Variants in TASOR observed in about 807,000 individuals in gnomAD.
TASOR encodes protein TASOR.
A neutral mutation model predicts 178.6 loss-of-function variants in TASOR; 53 were observed. That is an observed-to-expected ratio of 0.30 (90% CI 0.24 to 0.37). The LOEUF (loss-of-function observed/expected upper bound fraction) is 0.37, where lower values mean the gene tolerates loss of function less well. Ranked by LOEUF, TASOR falls within the 10% of genes least tolerant of loss-of-function variation. TASOR has a pLI of 1.00. For missense variants in TASOR, 1,815 were observed against 1,971.4 expected, an observed-to-expected ratio of 0.92 and a Z score of 1.50; for synonymous variants, 713 against 696.2, an observed-to-expected ratio of 1.02 and a Z score of -0.38.
intron 11 of TASOR, among the ~76,000 whole-genome samples, chr3:56,652,807 CAATA>C (rs980193387): frequency 3.3e-5 from 5 of 151,926 alleles, no homozygotes; most frequent in Non-Finnish European, 4.4e-5. Flanking sequence ...ATTAAAAACA[CAATA>C]AATAAATAAA....
chr3:56,623,856 G>A (rs561775495), intron 23 of TASOR: 8 of 1,543,864 alleles, frequency 5.2e-6, no homozygotes, highest in East Asian at 4.9e-5. Flanking sequence ...AAAGTTATAC[G>A]GTAATTCAGT....
intron 6 of TASOR, among the ~76,000 whole-genome samples, chr3:56,667,567 G>C (rs1366407209): frequency 6.6e-6 from 1 of 152,160 alleles, no homozygotes; most frequent in Non-Finnish European, 1.5e-5. Flanking sequence ...TGAGGCAGGA[G>C]AATCATTTGA....
intron 1 of TASOR, among the ~76,000 whole-genome samples, chr3:56,679,025 A>C (rs866685009): frequency 1.3e-5 from 2 of 148,790 alleles, no homozygotes; most frequent in African/African-American, 5.0e-5. Context: ...AAAAAAAAAA[A>C]AGACATACAA....
At chr3:56,659,937 C>T (rs1382963575) in intron 11 of TASOR, among the ~76,000 whole-genome samples, 3 of 151,712 alleles carry the variant, frequency 2.0e-5, no homozygotes, top group East Asian at 2.0e-4. Context: ...CGCAATGGTA[C>T]GATCTTGGCT....
chr3:56,622,997 C>CG lies in TASOR; in HGVS notation c.*39_*40insC. ...GAATGAAATATAAATTGTTAATAAA[C>CG]AAAGTCCACAACAATCTCTTAAAAA... On this transcript the variant is annotated 3_prime_UTR_variant, in exon 24 of 24. Coordinates refer to ENST00000683822, the MANE Select transcript of TASOR (RefSeq NM_001365635.2). 1 of 1,279,588 alleles carries CG rather than the reference C, an allele frequency of 7.8e-7. No individual in the cohort carries two copies. Among genetic ancestry groups the CG allele is most frequent in the South Asian group, 1.9e-5 (1 of 53,390 alleles). 79.3% of individuals were successfully genotyped at this position (1,279,588 alleles called of 1,614,324 possible). A position where few individuals can be genotyped will look rare whatever the true frequency, so the allele number is the denominator to read the frequency against.
At chr3:56,676,906 G>A (rs1027518777) in intron 1 of TASOR, among the ~76,000 whole-genome samples, 11 of 152,080 alleles carry the variant, frequency 7.2e-5, no homozygotes, top group Non-Finnish European at 1.6e-4. Context: ...AAAGGAAAAA[G>A]CATTTTAGCT....
intron 21 of TASOR, among the ~76,000 whole-genome samples, chr3:56,626,752 AAAG>A (rs1439840315): frequency 2.0e-5 from 3 of 152,208 alleles, no homozygotes; most frequent in Admixed American, 1.3e-4. Context: ...TCAAAAAAAA[AAAG>A]AAAAAAATGC....
intron 15 of TASOR, among the ~76,000 whole-genome samples, chr3:56,640,466 A>T (rs2077098264): frequency 6.6e-6 from 1 of 152,174 alleles, no homozygotes; most frequent in South Asian, 2.1e-4. Context: ...AGTTATAAAA[A>T]TGGGTAGTGT....
intron 14 of TASOR, among the ~76,000 whole-genome samples, chr3:56,645,836 T>C (rs1386065773): frequency 1.3e-5 from 2 of 152,354 alleles, no homozygotes; most frequent in African/African-American, 2.4e-5. Flanking sequence ...TCTGATATTA[T>C]ACTTCTTCAA....
At chr3:56,631,733 G>A (rs1312494191) in intron 18 of TASOR, among the ~76,000 whole-genome samples, 4 of 151,886 alleles carry the variant, frequency 2.6e-5, no homozygotes, top group African/African-American at 7.3e-5. Context: ...ACAGGCGCCT[G>A]CCCCCATGCC....
chr3:56,638,463 T>C lies in TASOR; in HGVS notation c.2824+243A>G, dbSNP rs572547843. ...GGTCTTCCCAAATCATATTGTAAGA[T>C]AGACTCTACTATGGGTGAAGAAAAT... On this transcript the variant is annotated intron_variant, in intron 17 of 23. Coordinates refer to ENST00000683822, the MANE Select transcript of TASOR (RefSeq NM_001365635.2). 1.2e-3 allele frequency among the ~76,000 whole-genome samples: 186 copies of C among 152,328 alleles called. 1 individual carries two copies. The highest frequency in any genetic ancestry group is 6.0e-3 in the South Asian group (29 of 4,828).
intron 14 of TASOR, among the ~76,000 whole-genome samples, chr3:56,645,756 G>T (rs1184825757): frequency 6.6e-6 from 1 of 152,162 alleles, no homozygotes. Flanking sequence ...AAGAGTATGT[G>T]TATGCATATT....
At chr3:56,663,987 A>C (rs2077654944) in intron 7 of TASOR, 3 of 449,058 alleles carry the variant, frequency 6.7e-6, no homozygotes, top group Non-Finnish European at 8.8e-6. Context: ...TATAGAGATA[A>C]ACAGAACAAA....
intron 17 of TASOR, among the ~76,000 whole-genome samples, chr3:56,635,258 C>T (rs550394289): frequency 6.6e-6 from 1 of 152,176 alleles, no homozygotes; most frequent in South Asian, 2.1e-4. Context: ...AGACCCAAGG[C>T]GGGTCTGTAG....
intron 23 of TASOR, chr3:56,623,928 T>A: frequency 1.9e-6 from 2 of 1,067,960 alleles, no homozygotes; most frequent in Non-Finnish European, 2.7e-6. Flanking sequence ...ATTACTAAAC[T>A]AGTTGGTTAG....
chr3:56,678,803 G>A (rs1387236521), intron 1 of TASOR, among the ~76,000 whole-genome samples: 1 of 152,088 alleles, frequency 6.6e-6, no homozygotes, highest in Non-Finnish European at 1.5e-5. Context: ...TTCAGGTCAG[G>A]AGTTCCAGAC....
At chr3:56,638,916 C>A in intron 16 of TASOR, 151 bp from the exon 17 acceptor site, 1 of 718,632 alleles carries the variant, frequency 1.4e-6, no homozygotes. Flanking sequence ...GGAATATCAA[C>A]ACTTAAGACA....
rs1436628986 is a variant in TASOR at position 56,633,312 on chromosome 3, T to C, written c.3479A>G (p.Glu1160Gly). Reference protein sequence around the residue: ...QHSTSALTEVEMNQPQHATEL... With the variant: ...QHSTSALTEVGMNQPQHATEL... The stretch of plus-strand genomic sequence containing the variant: ...TGTGGCATGTTGAGGCTGGTTCATT[T>C]CTACTTCAGTTAAAGCCGAAGTGGA... The change falls in exon 18 of 24, where the codon GAA becomes GGA. Residue 1160 changes from glutamate (E) to glycine (G), a missense_variant. Physicochemically the swap from Glu to Gly is moderately conservative, Grantham distance 98. This residue lies in a region of TASOR where 655 missense variants were observed against 671.1 expected (regional missense o/e 0.98). Coordinates refer to ENST00000683822, the MANE Select transcript of TASOR (RefSeq NM_001365635.2). The C allele has an allele frequency of 1.2e-6, 2 of 1,614,082 alleles. No homozygotes were observed. The highest frequency in any genetic ancestry group is 2.7e-5 in the African/African-American group (2 of 74,932).
chr3:56,656,455 G>A (rs1461990500), intron 11 of TASOR, among the ~76,000 whole-genome samples: 1 of 152,120 alleles, frequency 6.6e-6, no homozygotes, highest in Admixed American at 6.5e-5. Flanking sequence ...GCCAGGTATG[G>A]TGTTGCACGC....
Sources: allele counts gnomAD v4.1 joint callset (sites outside exome capture counted in the v4.1 genomes callset), GRCh38; gene constraint gnomAD v4.1.1; regional missense constraint gnomAD v4.1.1; transcripts MANE v1.5; gene names NCBI Gene and HGNC (gene_info 2026-07-23, HGNC 2026-07-21).